The following AK8 variants were observed in gnomAD, a reference collection of about 807,000 sequenced individuals.
The protein encoded by AK8 is adenylate kinase 8.
Under a neutral mutation model 54.6 loss-of-function variants are expected in AK8, and 44 were observed. The observed-to-expected ratio is 0.81, with a 90% CI of 0.63 to 1.04. AK8 has a LOEUF of 1.04. Among genes scored for constraint, AK8 ranks in the 50% least tolerant of loss-of-function variants. AK8 has a pLI of 0.00. For missense variants in AK8, 555 were observed against 613.6 expected, an observed-to-expected ratio of 0.90 and a Z score of 1.01; for synonymous variants, 239 against 245.6, an observed-to-expected ratio of 0.97 and a Z score of 0.25.
intron 11 of AK8, among the ~76,000 whole-genome samples, chr9:132,755,798 G>A (rs1007635949): frequency 2.0e-4 from 29 of 148,570 alleles, no homozygotes; most frequent in Admixed American, 4.0e-4. Context: ...ACGGAGTTTC[G>A]CTCTTGTTTC....
intron 11 of AK8, among the ~76,000 whole-genome samples, chr9:132,779,790 C>A (rs532590251): frequency 1.3e-5 from 2 of 152,324 alleles, no homozygotes; most frequent in African/African-American, 4.8e-5. Context: ...AGGATAAATG[C>A]AATCCCATTG....
chr9:132,814,587 G>T (rs1320544638), intron 10 of AK8, 51 bp downstream of exon 10: 1 of 1,549,240 alleles, frequency 6.5e-7, no homozygotes, highest in African/African-American at 1.4e-5. Context: ...CAAAAAGAAA[G>T]TTCTCTCTGG....
chr9:132,812,353 C>T (rs143008956), intron 10 of AK8, among the ~76,000 whole-genome samples: 2,130 of 151,156 alleles, frequency 0.014, 21 homozygotes, highest in Non-Finnish European at 0.023. Flanking sequence ...GCTTCAACCT[C>T]CCGAGTAGCT....
intron 11 of AK8, among the ~76,000 whole-genome samples, chr9:132,743,337 G>C (rs917904924): frequency 2.0e-5 from 3 of 152,324 alleles, no homozygotes; most frequent in African/African-American, 7.2e-5. Flanking sequence ...GCATCTCCTC[G>C]TCACTGGTCA....
At chr9:132,797,794 C>T (rs1840243415) in intron 10 of AK8, among the ~76,000 whole-genome samples, 1 of 152,170 alleles carries the variant, frequency 6.6e-6, no homozygotes, top group Admixed American at 6.5e-5. Context: ...TGACAAAGGA[C>T]ACAATCTCCC....
At chr9:132,873,959 A>G (rs976470636) in intron 2 of AK8, among the ~76,000 whole-genome samples, 1 of 152,224 alleles carries the variant, frequency 6.6e-6, no homozygotes, top group African/African-American at 2.4e-5. Flanking sequence ...TGCAGGGCAG[A>G]GTAAACTGCA....
intron 4 of AK8, among the ~76,000 whole-genome samples, chr9:132,857,450 AG>A (rs1452775953): frequency 6.6e-6 from 1 of 151,818 alleles, no homozygotes; most frequent in Non-Finnish European, 1.5e-5. Context: ...TCTCCAGGGG[AG>A]CTTCCCCAGG....
intron 11 of AK8, among the ~76,000 whole-genome samples, chr9:132,742,832 T>C (rs1284963209): frequency 6.6e-6 from 1 of 152,090 alleles, no homozygotes; most frequent in Non-Finnish European, 1.5e-5. Flanking sequence ...TTCATCCTCA[T>C]CACAAGCTTG....
At chr9:132,760,059 A>AC (rs1838380533) in intron 11 of AK8, among the ~76,000 whole-genome samples, 2 of 152,226 alleles carry the variant, frequency 1.3e-5, no homozygotes, top group Non-Finnish European at 2.9e-5. Flanking sequence ...CATGAACGAG[A>AC]CATTGCCTCC....
intron 10 of AK8, among the ~76,000 whole-genome samples, chr9:132,811,637 C>T (rs1438300892): frequency 6.6e-6 from 1 of 152,228 alleles, no homozygotes; most frequent in Admixed American, 6.5e-5. Flanking sequence ...AAGACAAATA[C>T]ACTGGCAGTA....
intron 11 of AK8, among the ~76,000 whole-genome samples, chr9:132,744,029 G>T (rs1295381282): frequency 6.6e-6 from 1 of 152,220 alleles, no homozygotes; most frequent in African/African-American, 2.4e-5. Flanking sequence ...AAGCCAGCTA[G>T]CGGGAGGGAC....
intron 10 of AK8, among the ~76,000 whole-genome samples, chr9:132,794,826 C>T (rs564121175): frequency 6.6e-6 from 1 of 152,308 alleles, no homozygotes; most frequent in South Asian, 2.1e-4. Context: ...CATCTCAGCT[C>T]CTCCCTTTCT....
intron 9 of AK8, among the ~76,000 whole-genome samples, chr9:132,818,208 C>A (rs1196200094): frequency 6.6e-6 from 1 of 152,086 alleles, no homozygotes; most frequent in Non-Finnish European, 1.5e-5. Flanking sequence ...ACTACAAGAG[C>A]TGTTAAAGGA....
chr9:132,829,211 G>A (rs1014186186), intron 5 of AK8, among the ~76,000 whole-genome samples: 2 of 152,040 alleles, frequency 1.3e-5, no homozygotes, highest in African/African-American at 4.8e-5. Flanking sequence ...GCCCACCTTG[G>A]CCTCCCAAAG....
chr9:132,785,413 T>C (rs1232626534), intron 11 of AK8, among the ~76,000 whole-genome samples: 2 of 152,220 alleles, frequency 1.3e-5, no homozygotes, highest in East Asian at 1.9e-4. Flanking sequence ...ACATCTTTCA[T>C]ATGAAGGGGT....
intron 11 of AK8, among the ~76,000 whole-genome samples, chr9:132,755,990 C>A (rs1821133587): frequency 6.6e-6 from 1 of 152,200 alleles, no homozygotes; most frequent in Admixed American, 6.5e-5. Flanking sequence ...TGGTCTCAAA[C>A]TCCTGACCTC....
rs542799794 is a variant in AK8, at chr9:132,791,369, G to A, written c.1121+1265C>T. 2.8e-4 allele frequency among the ~76,000 whole-genome samples: 42 copies of A among 152,234 alleles called. No individual in the cohort carries two copies. In the Middle Eastern group the frequency reaches 0.01, roughly 37 times the overall value. Reference sequence around the variant, plus strand: ...CTCACCAGGTCCCTCCCTAACATGTGGGGATTATAGTTCAAGATGAGATTT... The same window carrying A: ...CTCACCAGGTCCCTCCCTAACATGTAGGGATTATAGTTCAAGATGAGATTT... On this transcript the variant is annotated intron_variant, in intron 11 of 12. Coordinates refer to ENST00000298545, the MANE Select transcript of AK8 (RefSeq NM_152572.3). The surrounding 1 kb of genome is among the most constrained non-coding windows in gnomAD (Gnocchi z 4.0).
intron 5 of AK8, among the ~76,000 whole-genome samples, chr9:132,851,638 AG>A (rs1459504790): frequency 6.6e-6 from 1 of 152,238 alleles, no homozygotes; most frequent in Non-Finnish European, 1.5e-5. Context: ...CCAAGTCCCC[AG>A]GTGCCCCTGG....
intron 11 of AK8, among the ~76,000 whole-genome samples, chr9:132,733,209 AAT>A (rs1836934633): frequency 6.6e-6 from 1 of 152,052 alleles, no homozygotes; most frequent in Non-Finnish European, 1.5e-5. Flanking sequence ...CGTGCTGCAA[AAT>A]AACAGCCACT....
Sources: allele counts gnomAD v4.1 joint callset (sites outside exome capture counted in the v4.1 genomes callset), GRCh38; gene constraint gnomAD v4.1.1; non-coding constraint Gnocchi (gnomAD v3.1); transcripts MANE v1.5; gene names NCBI Gene and HGNC (gene_info 2026-07-23, HGNC 2026-07-21).